RBFOX1: variants seen among roughly 807,000 people sequenced by gnomAD.
The protein encoded by RBFOX1 is RNA binding protein fox-1 homolog 1.
RBFOX1 carries 8 observed loss-of-function variants against 57.7 expected under a neutral mutation model. That is an observed-to-expected ratio of 0.14 (90% CI 0.08 to 0.25). The LOEUF is 0.25. Ranked by LOEUF, RBFOX1 falls within the 10% of genes least tolerant of loss-of-function variation. The pLI, the probability that RBFOX1 is intolerant of heterozygous loss-of-function variation, is 1.00. For synonymous variants in RBFOX1, 326 were observed against 222.4 expected, an observed-to-expected ratio of 1.47 and a Z score of -4.15; for missense variants, 611 against 548.5, an observed-to-expected ratio of 1.11 and a Z score of -1.14.
intron 3 of RBFOX1, among the ~76,000 whole-genome samples, chr16:5,862,160 C>G (rs78523550): frequency 0.012 from 1,761 of 152,318 alleles, 11 homozygotes; most frequent in Middle Eastern, 0.017. Context: ...AGACGACCTG[C>G]TAGACTCCTT....
intron 1 of RBFOX1, among the ~76,000 whole-genome samples, chr16:6,059,722 C>T (rs2095659359): frequency 1.3e-5 from 2 of 152,090 alleles, no homozygotes; most frequent in African/African-American, 4.8e-5. Flanking sequence ...GAAGCTGAAA[C>T]AGGGCCTCTA....
At chr16:6,154,677 G>A (rs1214189586) in intron 1 of RBFOX1, among the ~76,000 whole-genome samples, 1 of 152,170 alleles carries the variant, frequency 6.6e-6, no homozygotes, top group Non-Finnish European at 1.5e-5. Context: ...GAATATGAAT[G>A]TCAAAGAAGA....
At chr16:6,492,469 T>G (rs1187180359) in intron 2 of RBFOX1, among the ~76,000 whole-genome samples, 2 of 152,242 alleles carry the variant, frequency 1.3e-5, no homozygotes, top group East Asian at 3.9e-4. Context: ...TTCAGGAGGC[T>G]GAGGCAGGAG....
chr16:5,368,411 C>T (rs893809684), intron 1 of RBFOX1, among the ~76,000 whole-genome samples: 26 of 152,118 alleles, frequency 1.7e-4, no homozygotes, highest in African/African-American at 6.3e-4. Flanking sequence ...TTTTCATCTC[C>T]CACCCTCCCA....
intron 1 of RBFOX1, among the ~76,000 whole-genome samples, chr16:5,242,077 G>A (rs1406900306): frequency 6.6e-6 from 1 of 152,082 alleles, no homozygotes; most frequent in Non-Finnish European, 1.5e-5. Flanking sequence ...TCATGCCACT[G>A]CACTCCAGTC....
chr16:7,209,919 C>T (rs894890708), intron 4 of RBFOX1, among the ~76,000 whole-genome samples: 4 of 152,182 alleles, frequency 2.6e-5, no homozygotes, highest in Admixed American at 2.0e-4. Flanking sequence ...CCATGATGCA[C>T]CATAGAGTTG....
chr16:7,046,891 C>T (rs543519652), intron 3 of RBFOX1, among the ~76,000 whole-genome samples: 1 of 151,964 alleles, frequency 6.6e-6, no homozygotes, highest in African/African-American at 2.4e-5. Flanking sequence ...CAGGCGTGAG[C>T]CCCTGCGCCT....
intron 3 of RBFOX1, among the ~76,000 whole-genome samples, chr16:6,827,968 G>T (rs185407979): frequency 3.3e-5 from 5 of 152,320 alleles, no homozygotes; most frequent in Admixed American, 2.6e-4. Context: ...TCTATGCTCT[G>T]TAGGGGACAA....
At chr16:5,726,003 G>A (rs915018502) in intron 3 of RBFOX1, among the ~76,000 whole-genome samples, 2 of 151,928 alleles carry the variant, frequency 1.3e-5, no homozygotes, top group Non-Finnish European at 2.9e-5. Context: ...TTAAAAGTGG[G>A]CCTTTCCATT....
At chr16:7,290,729 G>A (rs944938566) in intron 4 of RBFOX1, among the ~76,000 whole-genome samples, 3 of 152,214 alleles carry the variant, frequency 2.0e-5, no homozygotes, top group African/African-American at 4.8e-5. Flanking sequence ...GGACATGTGC[G>A]TGTCCGTGTG....
At chr16:6,816,699 C>T (rs1271295087) in intron 3 of RBFOX1, among the ~76,000 whole-genome samples, 1 of 148,144 alleles carries the variant, frequency 6.8e-6, no homozygotes, top group Non-Finnish European at 1.5e-5. Context: ...GAGACTGCAC[C>T]ACTGCACTCC....
At chr16:5,606,513 C>G (rs971716321) in intron 3 of RBFOX1, among the ~76,000 whole-genome samples, 10 of 152,052 alleles carry the variant, frequency 6.6e-5, no homozygotes, top group Non-Finnish European at 1.5e-5. Context: ...CACTTCTCAT[C>G]TCTTCCTCAT....
At chr16:6,359,396 A>G (rs1185063783) in intron 2 of RBFOX1, among the ~76,000 whole-genome samples, 1 of 152,108 alleles carries the variant, frequency 6.6e-6, no homozygotes, top group Non-Finnish European at 1.5e-5. Flanking sequence ...CCTGGCCTAA[A>G]AAGGGTCTTT....
chr16:6,074,155 A>G (rs1009692330), intron 1 of RBFOX1, among the ~76,000 whole-genome samples: 27 of 152,008 alleles, frequency 1.8e-4, no homozygotes, highest in Non-Finnish European at 3.2e-4. Flanking sequence ...TCACCATGTT[A>G]GCCATCATGG....
intron 3 of RBFOX1, among the ~76,000 whole-genome samples, chr16:6,733,756 T>G (rs2069298698): frequency 6.6e-6 from 1 of 150,888 alleles, no homozygotes; most frequent in African/African-American, 2.4e-5. Flanking sequence ...AGACCCTGCC[T>G]TAAAAAAAAA....
At chr16:5,587,230 T>G (rs2046862803) in intron 2 of RBFOX1, among the ~76,000 whole-genome samples, 1 of 152,136 alleles carries the variant, frequency 6.6e-6, no homozygotes, top group Non-Finnish European at 1.5e-5. Context: ...TACATAAAAT[T>G]CAGCAATACA....
At chr16:7,680,768 T>G (rs1348951972) in intron 14 of RBFOX1, among the ~76,000 whole-genome samples, 1 of 152,192 alleles carries the variant, frequency 6.6e-6, no homozygotes, top group Non-Finnish European at 1.5e-5. Flanking sequence ...ATTGCTACTT[T>G]TGTGTGACAA....
chr16:7,652,813 G>A (rs2065367113), intron 11 of RBFOX1, among the ~76,000 whole-genome samples: 1 of 152,196 alleles, frequency 6.6e-6, no homozygotes, highest in African/African-American at 2.4e-5. Context: ...AGACTTATCA[G>A]ATGTTGGTAA....
intron 2 of RBFOX1, among the ~76,000 whole-genome samples, chr16:5,546,531 T>C (rs893730190): frequency 6.6e-5 from 10 of 152,188 alleles, no homozygotes; most frequent in Admixed American, 2.6e-4. Flanking sequence ...TTTCAACAAA[T>C]GGTGTTGAAA....
Sources: gnomAD v4.1 joint callset for allele counts (sites outside exome capture counted in the v4.1 genomes callset) on GRCh38, gnomAD v4.1.1 for gene constraint, MANE v1.5 for transcripts, NCBI Gene and HGNC (gene_info 2026-07-23, HGNC 2026-07-21) for gene names.